The following SYN3 variants were observed in gnomAD, a reference collection of about 807,000 sequenced individuals.
The protein encoded by SYN3 is synapsin-3.
SYN3 carries 35 observed loss-of-function variants against 65.8 expected under a neutral mutation model. The observed-to-expected ratio is 0.53, with a 90% CI of 0.41 to 0.70. The LOEUF is 0.70. Among genes scored for constraint, SYN3 ranks in the 30% least tolerant of loss-of-function variants. SYN3 has a pLI of 0.00. For synonymous variants in SYN3, 270 were observed against 292.9 expected (o/e 0.92, Z 0.80); for missense variants, 680 against 749.0 (o/e 0.91, Z 1.08).
rs200592407 is a variant in SYN3 at position 32,859,297 on chromosome 22, C to G, written c.711+5618G>C. The G allele has an allele frequency of 3.7e-6, 6 of 1,614,034 alleles. No homozygotes were observed. In the African/African-American group the frequency reaches 8.0e-5, roughly 22 times the overall value. On this transcript the variant is annotated intron_variant, in intron 6 of 13. Transcript: ENST00000358763. ...CCAGTCCAAACACTACGCCTGCATC[C>G]GGCAGAAGGGCGGCTACTGCAGCTG...
chr22:32,642,642 G>A (rs1387725909), intron 6 of SYN3, among the ~76,000 whole-genome samples: 3 of 151,622 alleles, frequency 2.0e-5, no homozygotes, highest in South Asian at 4.2e-4. Context: ...GGGTTTCACC[G>A]TGGTCTCGAT....
intron 6 of SYN3, among the ~76,000 whole-genome samples, chr22:32,602,659 A>G (rs996210894): frequency 6.6e-6 from 1 of 152,028 alleles, no homozygotes; most frequent in African/African-American, 2.4e-5. Context: ...ACGGGGTTTC[A>G]CCATGTTGGC....
intron 6 of SYN3, among the ~76,000 whole-genome samples, chr22:32,831,689 G>A (rs146298070): frequency 2.0e-5 from 3 of 152,198 alleles, no homozygotes; most frequent in African/African-American, 7.2e-5. Context: ...GACCTTACTT[G>A]GCATTAACAC....
At chr22:32,685,610 G>A (rs941499641) in intron 6 of SYN3, among the ~76,000 whole-genome samples, 89 of 152,340 alleles carry the variant, frequency 5.8e-4, no homozygotes, top group African/African-American at 2.0e-3. Context: ...TAGCCTGGAA[G>A]TAACAGGCTG....
chr22:32,517,545 C>T (rs543139770), intron 13 of SYN3, among the ~76,000 whole-genome samples: 1 of 151,284 alleles, frequency 6.6e-6, no homozygotes, highest in Admixed American at 6.6e-5. Context: ...AAAGCTAAGA[C>T]TTTTTTTTTA....
intron 6 of SYN3, among the ~76,000 whole-genome samples, chr22:32,629,122 A>C (rs1004443973): frequency 7.2e-5 from 11 of 152,272 alleles, no homozygotes; most frequent in South Asian, 2.1e-4. Context: ...TGCTCCCCAA[A>C]TATTTGGTGA....
chr22:32,820,997 AG>A (rs1299763580), intron 6 of SYN3, among the ~76,000 whole-genome samples: 1 of 152,132 alleles, frequency 6.6e-6, no homozygotes, highest in African/African-American at 2.4e-5. Flanking sequence ...CGAGAAACCC[AG>A]GTGGCTTCAT....
chr22:32,824,102 C>T (rs1322897201), intron 6 of SYN3, among the ~76,000 whole-genome samples: 1 of 151,870 alleles, frequency 6.6e-6, no homozygotes, highest in Non-Finnish European at 1.5e-5. Flanking sequence ...CACGGTGAAA[C>T]CCCATCTCTA....
chr22:33,030,195 G>A (rs1000980395), intron 1 of SYN3, among the ~76,000 whole-genome samples: 1 of 152,162 alleles, frequency 6.6e-6, no homozygotes, highest in Non-Finnish European at 1.5e-5. Flanking sequence ...AGATGCCTGC[G>A]CTGCCAAGAT....
intron 6 of SYN3, among the ~76,000 whole-genome samples, chr22:32,621,347 T>C (rs192405260): frequency 1.4e-4 from 21 of 151,360 alleles, no homozygotes; most frequent in Admixed American, 5.9e-4. Context: ...TGTGACTTCA[T>C]GATCTCATCA....
At chr22:32,925,419 C>A (rs754242873) in intron 4 of SYN3, among the ~76,000 whole-genome samples, 1 of 152,182 alleles carries the variant, frequency 6.6e-6, no homozygotes, top group African/African-American at 2.4e-5. Flanking sequence ...GAGCATAATT[C>A]ATCTCATAAC....
At chr22:32,791,465 G>C (rs1569227441) in intron 6 of SYN3, among the ~76,000 whole-genome samples, 1 of 152,008 alleles carries the variant, frequency 6.6e-6, no homozygotes, top group South Asian at 2.1e-4. Context: ...TGTCACTTCT[G>C]ATAGGGGCCA....
At chr22:32,678,885 A>C (rs919883963) in intron 6 of SYN3, among the ~76,000 whole-genome samples, 1 of 151,940 alleles carries the variant, frequency 6.6e-6, no homozygotes, top group Admixed American at 6.6e-5. Flanking sequence ...ATATAAGGGG[A>C]ATCATGTAGT....
At chr22:32,859,063 C>A (rs1167219235) in intron 6 of SYN3, 4 of 905,780 alleles carry the variant, frequency 4.4e-6, no homozygotes, top group Non-Finnish European at 7.4e-6. Flanking sequence ...CACTGAGGGA[C>A]TGATGTGGCT....
intron 1 of SYN3, among the ~76,000 whole-genome samples, chr22:33,018,005 G>A (rs1444482308): frequency 6.6e-6 from 1 of 152,198 alleles, no homozygotes; most frequent in African/African-American, 2.4e-5. Context: ...TAGAAAAGCA[G>A]AGAGGGGTCA....
At chr22:32,554,493 C>T (rs2058462838) in intron 7 of SYN3, among the ~76,000 whole-genome samples, 1 of 152,040 alleles carries the variant, frequency 6.6e-6, no homozygotes, top group Admixed American at 6.6e-5. Context: ...CAGTGTCTTG[C>T]TAGGGAGGCA....
intron 6 of SYN3, chr22:32,849,679 G>A: frequency 2.6e-6 from 2 of 765,662 alleles, no homozygotes; most frequent in Admixed American, 2.0e-5. Flanking sequence ...TGGAGAGGGA[G>A]CTGCTAAGGC....
chr22:32,645,640 A>C (rs2059973103), intron 6 of SYN3, among the ~76,000 whole-genome samples: 1 of 152,202 alleles, frequency 6.6e-6, no homozygotes, highest in Admixed American at 6.5e-5. Flanking sequence ...CTTTCTCTTG[A>C]GACCCTTCTC....
intron 4 of SYN3, among the ~76,000 whole-genome samples, chr22:32,884,997 C>T (rs1032763642): frequency 1.3e-5 from 2 of 152,134 alleles, no homozygotes; most frequent in Non-Finnish European, 2.9e-5. Flanking sequence ...TACAGATGGA[C>T]AGTTAGGTTG....
Sources: allele counts gnomAD v4.1 joint callset (sites outside exome capture counted in the v4.1 genomes callset), GRCh38; gene constraint gnomAD v4.1.1; transcripts MANE v1.5; gene names NCBI Gene and HGNC (gene_info 2026-07-23, HGNC 2026-07-21).